CLCN3: variants seen among roughly 807,000 people sequenced by gnomAD.
The protein encoded by CLCN3 is Cl-/H+ antiporter 3.
CLCN3 carries 16 observed loss-of-function variants against 83.4 expected under a neutral mutation model. The ratio of observed to expected loss-of-function variants is 0.19; its 90% CI spans 0.13 to 0.29. The LOEUF (loss-of-function observed/expected upper bound fraction) is 0.29. Among genes scored for constraint, CLCN3 ranks in the 10% least tolerant of loss-of-function variants. CLCN3 has a pLI of 1.00. For missense variants in CLCN3, 544 were observed against 1,006.0 expected (o/e 0.54, Z 6.21); for synonymous variants, 322 against 346.2 (o/e 0.93, Z 0.78).
At chr4:169,690,291 G>C (rs1463652185) in intron 5 of CLCN3, among the ~76,000 whole-genome samples, 1 of 151,732 alleles carries the variant, frequency 6.6e-6, no homozygotes, top group African/African-American at 2.4e-5. Flanking sequence ...TATTACAGGC[G>C]TGCGCCACCA....
rs1470976827 is a variant in CLCN3 at position 169,620,998 on chromosome 4, CAG to C, written c.-80_-79del. ...GGGTAGCTAGGTTCTAGGTTTGAAA[CAG>C]ATGCAGAATCCAAAGGCAGCGCAAA... On this transcript the variant is annotated 5_prime_UTR_variant, in exon 1 of 13. In the 5' UTR this introduces an upstream ATG that the reference lacks. Coordinates refer to ENST00000513761, the MANE Select transcript of CLCN3 (RefSeq NM_001829.4). The C allele has an allele frequency of 1.3e-5, 5 of 398,038 alleles. No homozygotes were observed. The highest frequency in any genetic ancestry group is 2.1e-5 in the African/African-American group (1 of 48,616). The allele number at this position is 398,038 out of a possible 1,614,324, so 24.7% of individuals were successfully genotyped here. A position where few individuals can be genotyped will look rare whatever the true frequency, so the allele number is the denominator to read the frequency against.
intron 2 of CLCN3, 117 bp downstream of exon 2, chr4:169,636,205 C>T (rs1773497475): frequency 3.3e-6 from 3 of 898,994 alleles, no homozygotes; most frequent in Non-Finnish European, 5.0e-6. Flanking sequence ...ATCAAATTTA[C>T]ATAACATAAA....
chr4:169,711,095 A>G (rs1177978476), intron 11 of CLCN3, among the ~76,000 whole-genome samples: 1 of 152,210 alleles, frequency 6.6e-6, no homozygotes, highest in African/African-American at 2.4e-5. Flanking sequence ...ATTTGACTAT[A>G]TATTTCTTAT....
intron 9 of CLCN3, among the ~76,000 whole-genome samples, chr4:169,698,353 C>G (rs1000849858): frequency 6.6e-6 from 1 of 152,130 alleles, no homozygotes. Context: ...GACACCTGGG[C>G]TCCTGGGATC....
intron 2 of CLCN3, among the ~76,000 whole-genome samples, chr4:169,679,413 G>T (rs1057172920): frequency 2.6e-5 from 4 of 151,416 alleles, no homozygotes; most frequent in South Asian, 2.1e-4. Context: ...TAGACTGGGC[G>T]GCCGGGCAGA....
intron 2 of CLCN3, among the ~76,000 whole-genome samples, chr4:169,646,291 A>G (rs1318888017): frequency 2.0e-5 from 3 of 151,552 alleles, no homozygotes; most frequent in Non-Finnish European, 2.9e-5. Flanking sequence ...CTTTTTAATT[A>G]TTATTTTTGA....
At chr4:169,664,918 C>T (rs558129247) in intron 2 of CLCN3, among the ~76,000 whole-genome samples, 3 of 152,242 alleles carry the variant, frequency 2.0e-5, no homozygotes, top group Non-Finnish European at 2.9e-5. Flanking sequence ...ATGCAGGAGA[C>T]TGGTAGTTTA....
At chr4:169,699,157 C>A (rs899879968) in intron 9 of CLCN3, among the ~76,000 whole-genome samples, 1 of 152,170 alleles carries the variant, frequency 6.6e-6, no homozygotes, top group Non-Finnish European at 1.5e-5. Context: ...AGCCATTATT[C>A]TGCCTCATAC....
intron 3 of CLCN3, among the ~76,000 whole-genome samples, chr4:169,684,509 G>T (rs1487440655): frequency 6.6e-6 from 1 of 152,030 alleles, no homozygotes; most frequent in Non-Finnish European, 1.5e-5. Flanking sequence ...TTTTTAGTTT[G>T]CTATCTGTGT....
chr4:169,625,666 C>G (rs1189062965), intron 1 of CLCN3, among the ~76,000 whole-genome samples: 1 of 152,196 alleles, frequency 6.6e-6, no homozygotes, highest in Non-Finnish European at 1.5e-5. Context: ...TTTCTGCCAA[C>G]TGTTTTCAGT....
rs1731058966 is a variant in CLCN3, at chr4:169,661,554, A to T, written c.161-18496A>T. 2.0e-5 allele frequency among the ~76,000 whole-genome samples: 3 copies of T among 152,212 alleles called. No individual in the cohort carries two copies. The South Asian group carries it at 6.2e-4, about 32-fold the overall frequency. On this transcript the variant is annotated intron_variant, in intron 2 of 12. Coordinates refer to ENST00000513761, the MANE Select transcript of CLCN3 (RefSeq NM_001829.4). ...CTGCTACACACTATTTTAGGGTCTGAACAGTTGTAGCATTATTTATCTTGC... is the reference window on the plus strand; with the variant it reads ...CTGCTACACACTATTTTAGGGTCTGTACAGTTGTAGCATTATTTATCTTGC...
At chr4:169,649,255 C>T (rs956667923) in intron 2 of CLCN3, among the ~76,000 whole-genome samples, 1 of 152,016 alleles carries the variant, frequency 6.6e-6, no homozygotes, top group Non-Finnish European at 1.5e-5. Flanking sequence ...AACTAGAAAG[C>T]GAGGGACTGA....
At chr4:169,648,934 C>T (rs912643700) in intron 2 of CLCN3, among the ~76,000 whole-genome samples, 17 of 150,492 alleles carry the variant, frequency 1.1e-4, no homozygotes, top group African/African-American at 3.7e-4. Context: ...GACTGAGGCA[C>T]GAGAGTCGCT....
intron 2 of CLCN3, chr4:169,660,166 A>G: frequency 8.8e-7 from 1 of 1,140,802 alleles, no homozygotes; most frequent in South Asian, 4.0e-5. Context: ...GCCACTAGCA[A>G]CCAGGCTGCA....
intron 1 of CLCN3, among the ~76,000 whole-genome samples, chr4:169,625,465 T>G (rs1307979491): frequency 2.6e-5 from 4 of 152,164 alleles, no homozygotes; most frequent in Non-Finnish European, 4.4e-5. Context: ...TTTTCCTATT[T>G]TTGCTCCCCT....
At chr4:169,627,305 C>A (rs1773260173) in intron 1 of CLCN3, among the ~76,000 whole-genome samples, 1 of 152,096 alleles carries the variant, frequency 6.6e-6, no homozygotes. Flanking sequence ...ACCTCACAGC[C>A]CAATTAATTT....
chr4:169,625,905 T>TC (rs1174227302), intron 1 of CLCN3, among the ~76,000 whole-genome samples: 7 of 152,182 alleles, frequency 4.6e-5, no homozygotes, highest in Admixed American at 3.9e-4. Context: ...TGGGGGTTTC[T>TC]CCCCCCACAG....
chr4:169,715,590 T>C (rs1733394416), intron 12 of CLCN3, among the ~76,000 whole-genome samples: 1 of 152,138 alleles, frequency 6.6e-6, no homozygotes, highest in Non-Finnish European at 1.5e-5. Context: ...CTATCATTGA[T>C]GTGTAGTTCA....
chr4:169,692,479 C>G (rs1406739479), intron 7 of CLCN3, among the ~76,000 whole-genome samples, 159 bp downstream of exon 7: 1 of 152,148 alleles, frequency 6.6e-6, no homozygotes, highest in Non-Finnish European at 1.5e-5. Context: ...TAACATCTTT[C>G]TAGAATCCAT....
Sources: gnomAD v4.1 joint callset for allele counts (sites outside exome capture counted in the v4.1 genomes callset) on GRCh38, gnomAD v4.1.1 for gene constraint, MANE v1.5 for transcripts, NCBI Gene and HGNC (gene_info 2026-07-23, HGNC 2026-07-21) for gene names.